Variants in LINGO1 observed in about 807,000 individuals in gnomAD.
LINGO1 encodes the protein leucine-rich repeat and immunoglobulin-like domain-containing nogo receptor-interacting protein 1.
Under a neutral mutation model 37.3 loss-of-function variants are expected in LINGO1, and 11 were observed. That is an observed-to-expected ratio of 0.29 (90% CI 0.19 to 0.49). The LOEUF (loss-of-function observed/expected upper bound fraction) is 0.49, where lower values mean the gene tolerates loss of function less well. LINGO1 is among the 20% of genes least tolerant of loss of function. The probability of loss-of-function intolerance (pLI) is 0.99; values close to 1 mark genes in which losing one functional copy is unlikely to be tolerated. For synonymous variants in LINGO1, 387 were observed against 403.0 expected, an observed-to-expected ratio of 0.96 and a Z score of 0.48; for missense variants, 585 against 878.2, an observed-to-expected ratio of 0.67 and a Z score of 4.22.
chr15:77,750,080 C>A (rs1567562374), intron 1 of LINGO1, among the ~76,000 whole-genome samples: 2 of 152,106 alleles, frequency 1.3e-5, no homozygotes, highest in African/African-American at 4.8e-5. Flanking sequence ...CCTCACCCAC[C>A]CCTGGGGCTG....
chr15:77,697,215 G>C (rs539930003), upstream of LINGO1, among the ~76,000 whole-genome samples: 1 of 152,324 alleles, frequency 6.6e-6, no homozygotes, highest in Admixed American at 6.5e-5. Context: ...GGTCAGGCGG[G>C]GGCAGAACTG....
At chr15:77,813,115 C>T (rs2077019293) in intron 1 of LINGO1, among the ~76,000 whole-genome samples, 1 of 152,226 alleles carries the variant, frequency 6.6e-6, no homozygotes, top group African/African-American at 2.4e-5. Context: ...CGCCCCCAGG[C>T]CTTGCATATA....
At position 77,724,745 on chromosome 15, in the gene LINGO1, C is replaced by A. The variant is rs183951579; in HGVS notation, c.-195+10247G>T. Among the ~76,000 whole-genome samples, 5 of 152,282 alleles carry A rather than the reference C, an allele frequency of 3.3e-5. No homozygotes were observed. The East Asian group carries it at 9.6e-4, about 29-fold the overall frequency. On this transcript the variant is annotated intron_variant, in intron 2 of 3. Coordinates refer to the LINGO1 transcript ENST00000561686. The stretch of plus-strand genomic sequence containing the variant: ...CACGAGCACCCAGGGCAGTAAGCAC[C>A]CCCGAGTCTCCCTACTACCTCCCTT...
At chr15:77,773,098 G>A (rs960845185) in intron 1 of LINGO1, among the ~76,000 whole-genome samples, 25 of 152,218 alleles carry the variant, frequency 1.6e-4, no homozygotes, top group African/African-American at 5.8e-4. Flanking sequence ...GAAGGTGGCT[G>A]TGGAAAGGCC....
At chr15:77,813,150 G>T (rs2077019605) in intron 1 of LINGO1, among the ~76,000 whole-genome samples, 1 of 152,224 alleles carries the variant, frequency 6.6e-6, no homozygotes, top group South Asian at 2.1e-4. Flanking sequence ...AATAATAAAT[G>T]TTCCCTAAAT....
intron 1 of LINGO1, among the ~76,000 whole-genome samples, chr15:77,782,218 C>T (rs935285029): frequency 2.1e-4 from 9 of 43,488 alleles, no homozygotes; most frequent in Non-Finnish European, 3.0e-4. Flanking sequence ...CGCGTACACA[C>T]ACACACACAC....
chr15:77,759,178 C>A (rs947338241), intron 1 of LINGO1, among the ~76,000 whole-genome samples: 2 of 152,242 alleles, frequency 1.3e-5, no homozygotes, highest in Non-Finnish European at 2.9e-5. Flanking sequence ...GCCACCCATG[C>A]ACACGCACAT....
chr15:77,678,663 T>C (rs1377724224), intron 2 of LINGO1, among the ~76,000 whole-genome samples: 3 of 152,192 alleles, frequency 2.0e-5, no homozygotes, highest in Non-Finnish European at 4.4e-5. Flanking sequence ...AGTTTTTATT[T>C]CTCTTGGTTA....
intron 1 of LINGO1, among the ~76,000 whole-genome samples, chr15:77,781,808 A>G (rs1238170378): frequency 6.6e-6 from 1 of 152,182 alleles, no homozygotes. Context: ...AGTCCTGGAC[A>G]TTTCATTCAT....
chr15:77,794,339 CAT>C (rs1194467260), intron 2 of LINGO1, among the ~76,000 whole-genome samples: 1 of 101,550 alleles, frequency 9.8e-6, no homozygotes, highest in African/African-American at 3.9e-5. Context: ...TATGTATATA[CAT>C]ACATATATAC....
intron 1 of LINGO1, among the ~76,000 whole-genome samples, chr15:77,819,822 C>G (rs1391490414): frequency 6.6e-6 from 1 of 151,324 alleles, no homozygotes. Context: ...GCCCAGGTGC[C>G]GACTCGGGCT....
At chr15:77,688,744 A>G (rs1203307649) in intron 2 of LINGO1, among the ~76,000 whole-genome samples, 1 of 152,268 alleles carries the variant, frequency 6.6e-6, no homozygotes, top group East Asian at 1.9e-4. Flanking sequence ...CACATGCTGA[A>G]AAACAAAGGA....
Position 77,615,816 on chromosome 15 carries a change from G to A in LINGO1, c.91C>T (p.Leu31=). The A allele has an allele frequency of 6.5e-7, 1 of 1,536,468 alleles. No individual in the cohort carries two copies. Among genetic ancestry groups the A allele is most frequent in the Non-Finnish European group, 8.7e-7 (1 of 1,149,988 alleles). The part of the protein sequence containing the change: ...ACWQPILLLV[L]GSVLSGSATG... ...GCCGAGCCTGACAGCACTGAGCCCA[G>A]CACCAGCAGGAGGATGGGCTGCCAG... Residue 31 remains leucine, a synonymous_variant, in exon 2 of 2, where the codon CTG becomes TTG. Coordinates refer to ENST00000355300, the MANE Select transcript of LINGO1 (RefSeq NM_032808.7).
At chr15:77,664,246 T>C (rs1426587801) in intron 3 of LINGO1, among the ~76,000 whole-genome samples, 1 of 151,802 alleles carries the variant, frequency 6.6e-6, no homozygotes, top group African/African-American at 2.4e-5. Context: ...CTGAAAGCTC[T>C]GGGAAATGAG....
At chr15:77,770,164 C>A (rs1308911101) in intron 1 of LINGO1, among the ~76,000 whole-genome samples, 1 of 152,146 alleles carries the variant, frequency 6.6e-6, no homozygotes, top group African/African-American at 2.4e-5. Context: ...GAGCAGCAGG[C>A]TCCGAAACCA....
intron 3 of LINGO1, chr15:77,676,977 G>A (rs2075338346): frequency 6.6e-6 from 1 of 152,270 alleles, no homozygotes; most frequent in South Asian, 2.1e-4. Flanking sequence ...CCCCTGGCAG[G>A]GGCTCATTCG....
chr15:77,631,463 G>C (rs2074251262), intron 1 of LINGO1, among the ~76,000 whole-genome samples: 1 of 152,210 alleles, frequency 6.6e-6, no homozygotes, highest in Admixed American at 6.5e-5. Context: ...ACCGGGAGGG[G>C]CTGCCCACTG....
At chr15:77,624,741 C>A (rs531141192) in intron 1 of LINGO1, among the ~76,000 whole-genome samples, 36 of 151,752 alleles carry the variant, frequency 2.4e-4, no homozygotes, top group Admixed American at 4.6e-4. Flanking sequence ...AATCCTGGAC[C>A]ACTCTGGGCC....
At chr15:77,664,598 G>C (rs1477690797) in intron 3 of LINGO1, among the ~76,000 whole-genome samples, 1 of 152,170 alleles carries the variant, frequency 6.6e-6, no homozygotes, top group Non-Finnish European at 1.5e-5. Flanking sequence ...AGGTATGTGT[G>C]GGGAGGTGGC....
Sources: gnomAD v4.1 joint callset for allele counts (sites outside exome capture counted in the v4.1 genomes callset) on GRCh38, gnomAD v4.1.1 for gene constraint, MANE v1.5 for transcripts, NCBI Gene and HGNC (gene_info 2026-07-23, HGNC 2026-07-21) for gene names.